The following NPC1 variants were observed in gnomAD, a reference collection of about 807,000 sequenced individuals.
NPC1 encodes the protein NPC intracellular cholesterol transporter 1.
Under a neutral mutation model 140.4 loss-of-function variants are expected in NPC1, and 85 were observed. That is an observed-to-expected ratio of 0.61 (90% confidence interval 0.51 to 0.72). The LOEUF (loss-of-function observed/expected upper bound fraction) is 0.72, where lower values mean the gene tolerates loss of function less well. Among genes scored for constraint, NPC1 ranks in the 30% least tolerant of loss-of-function variants. NPC1 has a pLI of 0.00. For synonymous variants in NPC1, 656 were observed against 624.8 expected (o/e 1.05, Z -0.74); for missense variants, 1,504 against 1,623.8 (o/e 0.93, Z 1.27).
At chr18:23,544,117 T>C (rs1285054450) in intron 13 of NPC1, among the ~76,000 whole-genome samples, 2 of 152,154 alleles carry the variant, frequency 1.3e-5, no homozygotes, top group Non-Finnish European at 2.9e-5. Flanking sequence ...AAAGATACAA[T>C]TTAAAACACA....
chr18:23,539,600 A>G (rs2058683329), intron 18 of NPC1, 130 bp from the exon 19 acceptor site: 1 of 794,030 alleles, frequency 1.3e-6, no homozygotes, highest in African/African-American at 1.7e-5. Flanking sequence ...AAACTACATG[A>G]GCACTTAATG....
intron 9 of NPC1, among the ~76,000 whole-genome samples, chr18:23,553,307 T>A (rs958722214): frequency 1.3e-5 from 2 of 152,222 alleles, no homozygotes; most frequent in African/African-American, 4.8e-5. Context: ...TTATGTAACA[T>A]TAAATGTTTT....
In NPC1 at chr18:23,548,052, A is replaced by G; in HGVS notation, c.1711T>C (p.Tyr571His). 1 of 1,612,746 alleles carries G rather than the reference A, an allele frequency of 6.2e-7. No individual in the cohort carries two copies. The highest frequency in any genetic ancestry group is 8.5e-7 in the Non-Finnish European group (1 of 1,178,710). Residue 571 changes from tyrosine to histidine, a missense_variant, in exon 11 of 25, where the codon TAT becomes CAT. Transcript: ENST00000269228. ...LVITFPVNNYYNDTEKLQRAQ... is the reference protein window; with the variant it reads ...LVITFPVNNYHNDTEKLQRAQ... ...CTCTGGAGCTTCTCTGTATCATTATAGTAATTATTGACAGGGAAGGTAATC... is the reference window on the plus strand; with the variant it reads ...CTCTGGAGCTTCTCTGTATCATTATGGTAATTATTGACAGGGAAGGTAATC...
chr18:23,544,564 AG>A (rs1292999439), intron 12 of NPC1, 38 bp from the exon 13 acceptor site: 1 of 1,596,604 alleles, frequency 6.3e-7, no homozygotes, highest in Non-Finnish European at 8.6e-7. Flanking sequence ...AATTAGTTAC[AG>A]GGTTGTCTGT....
At chr18:23,511,178 A>C (rs2057848901) in intron 3 of NPC1, among the ~76,000 whole-genome samples, 1 of 152,238 alleles carries the variant, frequency 6.6e-6, no homozygotes, top group African/African-American at 2.4e-5. Flanking sequence ...CTTTTGTGGG[A>C]ACATGGATGG....
intron 3 of NPC1, among the ~76,000 whole-genome samples, chr18:23,515,213 CCAGGCATGTGGAGGCA>C (rs2057967514): frequency 6.6e-6 from 1 of 152,066 alleles, no homozygotes; most frequent in South Asian, 2.1e-4. Flanking sequence ...CTCCACATGC[CCAGGCATGTGGAGGCA>C]CAGATAAGGA....
At chr18:23,557,626 A>G (rs913634540) in intron 6 of NPC1, among the ~76,000 whole-genome samples, 21 of 152,244 alleles carry the variant, frequency 1.4e-4, no homozygotes, top group Non-Finnish European at 8.8e-5. Context: ...GTGTGGTGGC[A>G]CGTGCCTTGG....
downstream of NPC1, chr18:23,528,620 T>C (rs2058379304): frequency 6.5e-6 from 1 of 153,726 alleles, no homozygotes; most frequent in South Asian, 2.0e-4. Flanking sequence ...ACAGTGTCCA[T>C]TCCTACGCTG....
At chr18:23,580,214 C>T (rs961091651) in intron 1 of NPC1, among the ~76,000 whole-genome samples, 2 of 150,478 alleles carry the variant, frequency 1.3e-5, no homozygotes, top group African/African-American at 4.8e-5. Context: ...CAAAGATACT[C>T]TGAGGTCACA....
intron 8 of NPC1, 98 bp from the exon 9 acceptor site, chr18:23,555,082 A>G: frequency 1.2e-6 from 1 of 811,720 alleles, no homozygotes; most frequent in East Asian, 2.6e-5. Context: ...GAAGACAAAG[A>G]GTATTTGGGG....
rs1044363940 is a variant in NPC1, at chr18:23,534,155, G to C, written c.3591+291C>G. 1.5e-5 allele frequency: 8 copies of C among 530,706 alleles called. No homozygotes were observed. The African/African-American group carries it at 1.5e-4, about 10-fold the overall frequency. 32.9% of individuals were successfully genotyped at this position (530,706 alleles called of 1,614,324 possible). A position where few individuals can be genotyped will look rare whatever the true frequency, so the allele number is the denominator to read the frequency against. ...ACCGCACATCACACGCTGGGTTCTG[G>C]CCCGGGCTCCCCTGCATTTTAAATG... is the stretch of plus-strand genomic sequence containing the variant. On this transcript the variant is annotated intron_variant, in intron 23 of 24. Transcript: ENST00000269228.
At chr18:23,538,706 A>C in intron 19 of NPC1, 35 bp from the exon 20 acceptor site, 1 of 1,612,230 alleles carries the variant, frequency 6.2e-7, no homozygotes, top group Non-Finnish European at 8.5e-7. Flanking sequence ...TGTTAGAAGA[A>C]TAGGTCTCCA....
intron 5 of NPC1, 26 bp from the exon 6 acceptor site, chr18:23,560,506 C>T (rs2059022995): frequency 1.2e-6 from 2 of 1,612,846 alleles, no homozygotes; most frequent in Admixed American, 1.7e-5. Flanking sequence ...GTGTTGAGTA[C>T]AAATCTCAAT....
intron 3 of NPC1, chr18:23,509,203 C>G (rs1316372067): frequency 7.2e-7 from 1 of 1,396,968 alleles, no homozygotes; most frequent in Admixed American, 2.7e-5. Context: ...ACTAAGAATG[C>G]CAACATTCTA....
chr18:23,521,611 T>C (rs1317720193), downstream of NPC1, among the ~76,000 whole-genome samples: 1 of 152,006 alleles, frequency 6.6e-6, no homozygotes, highest in Non-Finnish European at 1.5e-5. Context: ...GGGAAAGAAG[T>C]CATTTATTTG....
At chr18:23,561,280 G>A (rs2059034249) in intron 5 of NPC1, 80 bp downstream of exon 5, 1 of 1,461,092 alleles carries the variant, frequency 6.8e-7, no homozygotes, top group Non-Finnish European at 9.6e-7. Flanking sequence ...CCCAAGCACT[G>A]GTGAGCCACT....
intron 1 of NPC1, among the ~76,000 whole-genome samples, chr18:23,584,806 C>A (rs1567990462): frequency 6.6e-6 from 1 of 152,160 alleles, no homozygotes; most frequent in African/African-American, 2.4e-5. Context: ...TTGCAGTGAG[C>A]CGAGATTGCG....
At chr18:23,517,498 T>C (rs185134945), downstream of NPC1, among the ~76,000 whole-genome samples, 11 of 152,240 alleles carry the variant, frequency 7.2e-5, no homozygotes, top group Admixed American at 2.0e-4. Context: ...GTTTTTAAAT[T>C]TGTAATGAAA....
chr18:23,544,920 T>G (rs535241503), intron 12 of NPC1, 40 bp downstream of exon 12: 1 of 1,376,766 alleles, frequency 7.3e-7, no homozygotes, highest in Admixed American at 1.7e-5. Context: ...TGTGCACTGC[T>G]GTTAACCTCT....
Sources: gnomAD v4.1 joint callset for allele counts (sites outside exome capture counted in the v4.1 genomes callset) on GRCh38, gnomAD v4.1.1 for gene constraint, MANE v1.5 for transcripts, NCBI Gene and HGNC (gene_info 2026-07-23, HGNC 2026-07-21) for gene names.